DDB1: variants seen among roughly 807,000 people sequenced by gnomAD.
DDB1 encodes DNA damage-binding protein 1.
Under a neutral mutation model 133.1 loss-of-function variants are expected in DDB1, and 18 were observed. That is an observed-to-expected ratio of 0.14 (90% CI 0.09 to 0.20). DDB1 has a LOEUF of 0.20. Ranked by LOEUF, DDB1 falls within the 10% of genes least tolerant of loss-of-function variation. The pLI is 1.00. For synonymous variants in DDB1, 580 were observed against 550.5 expected, an observed-to-expected ratio of 1.05 and a Z score of -0.75; for missense variants, 828 against 1,459.2, an observed-to-expected ratio of 0.57 and a Z score of 7.05.
intron 26 of DDB1, 39 bp from the exon 27 acceptor site, chr11:61,300,258 G>GGGTGCT (rs1170786840): frequency 1.3e-6 from 2 of 1,593,280 alleles, no homozygotes; most frequent in South Asian, 2.2e-5. Flanking sequence ...AGGACCAAGA[G>GGGTGCT]GGTGCTCTCC....
At chr11:61,327,911 T>C (rs368117867) in intron 4 of DDB1, among the ~76,000 whole-genome samples, 2 of 152,224 alleles carry the variant, frequency 1.3e-5, no homozygotes, top group East Asian at 1.9e-4. Flanking sequence ...TACCTAAATA[T>C]TTGTCAAATT....
At chr11:61,326,682 G>A in intron 5 of DDB1, 97 bp downstream of exon 5, 1 of 914,232 alleles carries the variant, frequency 1.1e-6, no homozygotes, top group Non-Finnish European at 1.8e-6. Flanking sequence ...ATAATACCGA[G>A]CGCCAAAACG....
At chr11:61,304,702 G>A (rs1279046792) in intron 21 of DDB1, among the ~76,000 whole-genome samples, 5 of 150,930 alleles carry the variant, frequency 3.3e-5, no homozygotes, top group South Asian at 2.1e-4. Flanking sequence ...GTGAAACCCC[G>A]TCTCTACTAA....
chr11:61,314,852 CAG>C (rs1331601412), intron 12 of DDB1: 3 of 112,954 alleles, frequency 2.7e-5, no homozygotes, highest in Non-Finnish European at 4.9e-5. Context: ...TTTTTTGGGA[CAG>C]AGTCTCTCTC....
intron 2 of DDB1, 55 bp from the exon 3 acceptor site, chr11:61,330,129 T>C: frequency 2.8e-6 from 4 of 1,439,948 alleles, no homozygotes; most frequent in South Asian, 2.4e-5. Context: ...AGGAACAACC[T>C]GTCCAGTCTT....
intron 25 of DDB1, 106 bp from the exon 26 acceptor site, chr11:61,301,038 G>A: frequency 1.3e-6 from 2 of 1,486,018 alleles, no homozygotes; most frequent in South Asian, 1.3e-5. Context: ...GGATTAGAAA[G>A]GAAATGACAC....
rs201084351 is a variant in DDB1 at position 61,316,467 on chromosome 11, C to T, written c.1301+25G>A. Reference sequence around the variant, plus strand: ...CTCACAACCTTCTCACCAGCACCTACAGCTGGCACTAGACCCATCCTTACC... The same window carrying T: ...CTCACAACCTTCTCACCAGCACCTATAGCTGGCACTAGACCCATCCTTACC... On this transcript the variant is annotated intron_variant, in intron 11 of 26. Transcript: ENST00000301764. 3.7e-6 allele frequency: 6 copies of T among 1,613,894 alleles called. No individual in the cohort carries two copies. In the East Asian group the frequency reaches 1.3e-4, roughly 36 times the overall value.
intron 26 of DDB1, among the ~76,000 whole-genome samples, chr11:61,300,470 A>G (rs573739982): frequency 1.3e-5 from 2 of 152,028 alleles, no homozygotes; most frequent in African/African-American, 4.8e-5. Flanking sequence ...GCAATATCCC[A>G]AACTCCAGAA....
At chr11:61,321,554 CT>C in intron 10 of DDB1, 40 bp downstream of exon 10, 1 of 1,591,300 alleles carries the variant, frequency 6.3e-7, no homozygotes, top group South Asian at 1.1e-5. Flanking sequence ...GCCAAAGTCC[CT>C]CATGTAAGAT....
intron 21 of DDB1, among the ~76,000 whole-genome samples, chr11:61,307,039 T>C (rs554914950): frequency 5.9e-5 from 9 of 152,342 alleles, no homozygotes; most frequent in East Asian, 1.9e-4. Flanking sequence ...CAAAAGGGCA[T>C]TTCCATGAAC....
At chr11:61,302,947 G>C (rs763924662) in intron 23 of DDB1, 99 bp downstream of exon 23, 352 of 1,320,370 alleles carry the variant, frequency 2.7e-4, no homozygotes, top group Non-Finnish European at 3.6e-4. Flanking sequence ...TCTGTAAACA[G>C]GAGCACCTGA....
chr11:61,313,238 T>C (rs575901585), intron 16 of DDB1, among the ~76,000 whole-genome samples: 1 of 152,318 alleles, frequency 6.6e-6, no homozygotes, highest in South Asian at 2.1e-4. Context: ...GAAACAGTCA[T>C]CTGAATCACC....
rs767074242 is a variant in DDB1, at chr11:61,316,225, T to C, written c.1410+60A>G. On this transcript the variant is annotated intron_variant, in intron 12 of 26. Coordinates refer to ENST00000301764, the MANE Select transcript of DDB1 (RefSeq NM_001923.5). ...GTTGTTTTAAAATCCAGTGGTGCTCTGTACTGCATCTAGGTCAATTCAAGT... is the reference window on the plus strand; with the variant it reads ...GTTGTTTTAAAATCCAGTGGTGCTCCGTACTGCATCTAGGTCAATTCAAGT... 6 of 1,445,764 alleles carry C rather than the reference T, an allele frequency of 4.2e-6. No homozygotes were observed. The African/African-American group carries it at 4.2e-5, about 10-fold the overall frequency. The allele number at this position is 1,445,764 out of a possible 1,614,324, so 89.6% of individuals were successfully genotyped here.
At chr11:61,309,293 C>T (rs182945967) in intron 20 of DDB1, among the ~76,000 whole-genome samples, 3 of 152,170 alleles carry the variant, frequency 2.0e-5, no homozygotes, top group Admixed American at 2.0e-4. Context: ...TAGGATCTGC[C>T]CCCTCGCCCT....
chr11:61,302,903 T>C (rs1417513468), intron 23 of DDB1, 143 bp downstream of exon 23: 2 of 1,272,262 alleles, frequency 1.6e-6, no homozygotes, highest in Non-Finnish European at 2.2e-6. Flanking sequence ...TGGATTTCTG[T>C]CACCTTTTAT....
At chr11:61,302,082 T>C (rs1855805466) in intron 25 of DDB1, 175 bp downstream of exon 25, 3 of 597,276 alleles carry the variant, frequency 5.0e-6, no homozygotes, top group Admixed American at 2.9e-5. Context: ...TATACTGTTC[T>C]ATTGTGTATG....
chr11:61,330,765 T>C (rs1466252598), intron 2 of DDB1, among the ~76,000 whole-genome samples: 1 of 152,112 alleles, frequency 6.6e-6, no homozygotes, highest in African/African-American at 2.4e-5. Context: ...AAGCAATTCT[T>C]GTGCCTCAGC....
At chr11:61,309,741 GCTGA>G (rs537728243) in intron 20 of DDB1, 51 bp downstream of exon 20, 1,196 of 1,578,206 alleles carry the variant, frequency 7.6e-4, no homozygotes, top group Non-Finnish European at 9.8e-4. Flanking sequence ...ACAATGGCCT[GCTGA>G]CTTTCTCAGC....
In DDB1 at chr11:61,326,903, A is replaced by G. The variant is rs767605315; in HGVS notation, c.550-10T>C. On this transcript the variant is annotated splice_polypyrimidine_tract_variant and intron_variant, in intron 4 of 26. Transcript: ENST00000301764. ...GCCGCCCCTGAGGGTCCTGGGGGGG[A>G]AAGGTAAAATGGTTAGCCCTTAGGA... is the stretch of plus-strand genomic sequence containing the variant. The G allele has an allele frequency of 2.5e-6, 4 of 1,604,912 alleles. No homozygotes were observed. Among genetic ancestry groups the G allele is most frequent in the South Asian group, 2.2e-5 (2 of 90,848 alleles).
Sources: gnomAD v4.1 joint callset for allele counts (sites outside exome capture counted in the v4.1 genomes callset) on GRCh38, gnomAD v4.1.1 for gene constraint, MANE v1.5 for transcripts, NCBI Gene and HGNC (gene_info 2026-07-23, HGNC 2026-07-21) for gene names.